The following ANKIB1 variants were observed in gnomAD, a reference collection of about 807,000 sequenced individuals.
ANKIB1 encodes the protein ankyrin repeat and IBR domain containing 1.
In ANKIB1, 43 loss-of-function variants were observed where a neutral mutation model predicts 122.1. The ratio of observed to expected loss-of-function variants is 0.35; its 90% confidence interval spans 0.28 to 0.45. The LOEUF is 0.45. Among genes scored for constraint, ANKIB1 ranks in the 20% least tolerant of loss-of-function variants. The probability of loss-of-function intolerance (pLI) is 1.00; values close to 1 mark genes in which losing one functional copy is unlikely to be tolerated. For missense variants in ANKIB1, 992 were observed against 1,329.5 expected (o/e 0.75, Z 3.95); for synonymous variants, 390 against 442.0 (o/e 0.88, Z 1.48).
intron 11 of ANKIB1, among the ~76,000 whole-genome samples, chr7:92,384,421 T>A (rs1804587770): frequency 6.6e-6 from 1 of 152,194 alleles, no homozygotes; most frequent in African/African-American, 2.4e-5. Flanking sequence ...AGATCCCACA[T>A]TGCCAAGACA....
chr7:92,368,489 G>A (rs987534002), intron 10 of ANKIB1, among the ~76,000 whole-genome samples: 4 of 152,000 alleles, frequency 2.6e-5, no homozygotes, highest in African/African-American at 9.7e-5. Flanking sequence ...GGCCAACGCA[G>A]GCAGATCACT....
At chr7:92,392,169 G>A in intron 16 of ANKIB1, 72 bp from the exon 17 acceptor site, 2 of 1,295,238 alleles carry the variant, frequency 1.5e-6, no homozygotes, top group South Asian at 3.0e-5. Flanking sequence ...AATGTTCAAA[G>A]GGCAAGGATC....
chr7:92,307,658 TA>T lies in ANKIB1; in HGVS notation c.486+5del, dbSNP rs1264552966. ...TCAGGGATGAAAGCCTGTGTAGAGG[TA>T]AATTTTTTTTTTTTTTAATATTCTG... On this transcript the variant is annotated splice_donor_region_variant and intron_variant, in intron 3 of 19. Coordinates refer to ENST00000265742, the MANE Select transcript of ANKIB1 (RefSeq NM_019004.2). The T allele has an allele frequency of 6.6e-7, 1 of 1,507,426 alleles. No homozygotes were observed. Among genetic ancestry groups the T allele is most frequent in the Non-Finnish European group, 8.8e-7 (1 of 1,134,652 alleles). 93.4% of individuals were successfully genotyped at this position (1,507,426 alleles called of 1,614,324 possible). A position where few individuals can be genotyped will look rare whatever the true frequency, so the allele number is the denominator to read the frequency against.
intron 1 of ANKIB1, among the ~76,000 whole-genome samples, chr7:92,293,839 C>T (rs1212315085): frequency 1.3e-5 from 2 of 151,854 alleles, no homozygotes; most frequent in East Asian, 1.9e-4. Context: ...TTTTCTTTGT[C>T]ACTAATTTTC....
chr7:92,297,233 C>T (rs944926324), intron 2 of ANKIB1, among the ~76,000 whole-genome samples: 4 of 152,154 alleles, frequency 2.6e-5, no homozygotes, highest in Non-Finnish European at 4.4e-5. Flanking sequence ...CCCAGCTAGA[C>T]GACTGTAAGC....
rs1335765681 is a variant in ANKIB1 at position 92,309,942 on chromosome 7, A to AAAAT, written c.486+2287_486+2288insAATA. 1.2e-4 allele frequency among the ~76,000 whole-genome samples: 11 copies of AAAAT among 91,788 alleles called. 1 individual carries two copies. The East Asian group carries it at 3.2e-3, about 27-fold the overall frequency. The allele number at this position is 91,788 out of a possible 152,430, so 60.2% of individuals were successfully genotyped here. On this transcript the variant is annotated intron_variant, in intron 3 of 19. Transcript: ENST00000265742. Reference sequence around the variant, plus strand: ...TCCATCTAAAAAAAAAAAAAAAAAAAATATATATATATATATATATAAATT... The same window carrying AAAAT: ...TCCATCTAAAAAAAAAAAAAAAAAAAAAATATATATATATATATATATATAAATT...
intron 11 of ANKIB1, 55 bp from the exon 12 acceptor site, chr7:92,386,454 A>G: frequency 6.7e-7 from 1 of 1,496,010 alleles, no homozygotes; most frequent in Non-Finnish European, 8.9e-7. Context: ...ATAAAGCAGA[A>G]AATAATTTGC....
chr7:92,351,149 C>T (rs895370379), intron 8 of ANKIB1, 55 bp downstream of exon 8: 2 of 1,290,838 alleles, frequency 1.5e-6, no homozygotes, highest in Non-Finnish European at 2.0e-6. Context: ...TTTTATTAAA[C>T]CTTTATAACA....
chr7:92,389,906 TTTAA>T, intron 14 of ANKIB1, 61 bp from the exon 15 acceptor site: 2 of 1,481,114 alleles, frequency 1.4e-6, no homozygotes. Flanking sequence ...AAAATCATTG[TTTAA>T]TTAATATTAT....
At chr7:92,277,288 G>C (rs149089897) in intron 1 of ANKIB1, among the ~76,000 whole-genome samples, 2 of 152,180 alleles carry the variant, frequency 1.3e-5, no homozygotes, top group South Asian at 2.1e-4. Flanking sequence ...ATTCACAATT[G>C]TTAGGATACT....
chr7:92,307,753 T>A, intron 3 of ANKIB1, 97 bp downstream of exon 3: 1 of 1,020,608 alleles, frequency 9.8e-7, no homozygotes, highest in Non-Finnish European at 1.3e-6. Context: ...TCTTAGTAAT[T>A]TGGTCATTTT....
At chr7:92,291,005 A>G (rs1217157833) in intron 1 of ANKIB1, among the ~76,000 whole-genome samples, 1 of 152,184 alleles carries the variant, frequency 6.6e-6, no homozygotes, top group Admixed American at 6.6e-5. Context: ...CTAGAAGAAT[A>G]TAATTGGGCT....
chr7:92,375,207 A>G (rs1286445889), intron 11 of ANKIB1, among the ~76,000 whole-genome samples: 1 of 152,210 alleles, frequency 6.6e-6, no homozygotes, highest in African/African-American at 2.4e-5. Context: ...CTCAGTGTTG[A>G]TGCTGCTAAC....
chr7:92,326,571 GA>G (rs973071016), intron 4 of ANKIB1, among the ~76,000 whole-genome samples: 41 of 152,240 alleles, frequency 2.7e-4, no homozygotes, highest in African/African-American at 9.1e-4. Context: ...TCTGGATTTG[GA>G]ATACATTTTC....
intron 7 of ANKIB1, among the ~76,000 whole-genome samples, chr7:92,349,417 A>C (rs955855024): frequency 3.9e-5 from 6 of 152,184 alleles, no homozygotes; most frequent in Admixed American, 2.6e-4. Flanking sequence ...CCAAGGTCTC[A>C]GTAAGGTTGT....
chr7:92,288,505 A>C (rs1020903856), intron 1 of ANKIB1, among the ~76,000 whole-genome samples: 15 of 152,226 alleles, frequency 9.9e-5, no homozygotes, highest in African/African-American at 3.4e-4. Context: ...CAAAGATTCA[A>C]AGGGAACTCA....
chr7:92,290,181 TTTCTGGAATCTTAGAAACTCATC>T, intron 1 of ANKIB1, among the ~76,000 whole-genome samples: 1 of 152,328 alleles, frequency 6.6e-6, no homozygotes, highest in Non-Finnish European at 1.5e-5. Context: ...GAATTTGAGC[TTTCTGGAATCTTAGAAACTCATC>T]TGTTTGATTT....
chr7:92,345,632 T>C (rs774762455), intron 7 of ANKIB1, among the ~76,000 whole-genome samples: 3 of 152,196 alleles, frequency 2.0e-5, no homozygotes, highest in Non-Finnish European at 4.4e-5. Context: ...TCCATTAACT[T>C]TGCTCTCATG....
intron 3 of ANKIB1, among the ~76,000 whole-genome samples, chr7:92,308,930 T>C (rs1274840956): frequency 6.6e-6 from 1 of 152,196 alleles, no homozygotes; most frequent in Non-Finnish European, 1.5e-5. Context: ...TTAAAATATA[T>C]ACCTGAAAAT....
Sources: gnomAD v4.1 joint callset for allele counts (sites outside exome capture counted in the v4.1 genomes callset) on GRCh38, gnomAD v4.1.1 for gene constraint, MANE v1.5 for transcripts, NCBI Gene and HGNC (gene_info 2026-07-23, HGNC 2026-07-21) for gene names.